The following STIM1 variants were observed in gnomAD, a reference collection of about 807,000 sequenced individuals.
STIM1 encodes stromal interaction molecule 1.
A neutral mutation model predicts 74.7 loss-of-function variants in STIM1; 25 were observed. The observed-to-expected ratio is 0.33, with a 90% CI of 0.24 to 0.47. The LOEUF is 0.47. Among genes scored for constraint, STIM1 ranks in the 20% least tolerant of loss-of-function variants. The probability of loss-of-function intolerance (pLI) is 1.00; values close to 1 mark genes in which losing one functional copy is unlikely to be tolerated. For synonymous variants in STIM1, 328 were observed against 348.8 expected, an observed-to-expected ratio of 0.94 and a Z score of 0.66; for missense variants, 728 against 920.8, an observed-to-expected ratio of 0.79 and a Z score of 2.71.
chr11:3,901,248 C>T (rs955050227), intron 1 of STIM1, among the ~76,000 whole-genome samples: 3 of 152,098 alleles, frequency 2.0e-5, no homozygotes, highest in African/African-American at 7.2e-5. Flanking sequence ...ATTATTATTA[C>T]TCAGTAAAAG....
intron 2 of STIM1, among the ~76,000 whole-genome samples, chr11:4,014,314 A>T (rs2093873574): frequency 6.6e-6 from 1 of 152,188 alleles, no homozygotes; most frequent in South Asian, 2.1e-4. Context: ...TTTATCCAGT[A>T]GTCCTTCAGG....
At chr11:3,945,305 G>T (rs1229614709) in intron 1 of STIM1, among the ~76,000 whole-genome samples, 4 of 152,174 alleles carry the variant, frequency 2.6e-5, no homozygotes, top group African/African-American at 9.7e-5. Context: ...GGCTGGGCAT[G>T]GTGGCTCACG....
At chr11:4,088,805 T>C in intron 12 of STIM1, 1 of 1,477,296 alleles carries the variant, frequency 6.8e-7, no homozygotes, top group African/African-American at 1.4e-5. Context: ...GCCTGATTGT[T>C]CTCAGTGATT....
In STIM1 at chr11:4,070,095, G is replaced by C; in HGVS notation, c.683G>C (p.Trp228Ser). 6.2e-7 allele frequency: 1 copy of C among 1,614,152 alleles called. No homozygotes were observed. Among genetic ancestry groups the C allele is most frequent in the Non-Finnish European group, 8.5e-7 (1 of 1,180,026 alleles). Residue 228 changes from tryptophan to serine, a missense_variant, in exon 6 of 13, where the codon TGG (tryptophan) becomes TCG (serine). This residue lies in a region of STIM1 where 132 missense variants were observed against 158.2 expected (regional missense o/e 0.83). Coordinates refer to ENST00000526596, the MANE Select transcript of STIM1 (RefSeq NM_001382567.1). Reference sequence around the variant, plus strand: ...ATCGTTATTGGTGTGGGCGGCTGCTGGTTTGCCTATATCCAGAACCGTTAC... The same window carrying C: ...ATCGTTATTGGTGTGGGCGGCTGCTCGTTTGCCTATATCCAGAACCGTTAC... Reference protein sequence around the residue: ...VSIVIGVGGCWFAYIQNRYSK... With the variant: ...VSIVIGVGGCSFAYIQNRYSK...
intron 7 of STIM1, among the ~76,000 whole-genome samples, chr11:4,077,224 G>A (rs1489514764): frequency 6.6e-6 from 1 of 151,586 alleles, no homozygotes; most frequent in Non-Finnish European, 1.5e-5. Context: ...AGCAAGGGTA[G>A]CTATATATTA....
chr11:4,061,273 G>A (rs1200121438), intron 5 of STIM1, among the ~76,000 whole-genome samples: 3 of 152,142 alleles, frequency 2.0e-5, no homozygotes, highest in Middle Eastern at 3.2e-3. Flanking sequence ...CAACAAGAGG[G>A]GCCCTGGTGG....
At chr11:3,973,850 A>G in intron 2 of STIM1, 2 of 423,130 alleles carry the variant, frequency 4.7e-6, no homozygotes, top group South Asian at 5.9e-5. Context: ...AATAGCTGGG[A>G]CTATAGGCAC....
intron 2 of STIM1, among the ~76,000 whole-genome samples, chr11:4,017,466 C>A (rs946982883): frequency 6.6e-6 from 1 of 152,186 alleles, no homozygotes; most frequent in Non-Finnish European, 1.5e-5. Context: ...AGTTTCTCTG[C>A]TCTCCACTTA....
intron 1 of STIM1, among the ~76,000 whole-genome samples, chr11:3,874,194 G>A (rs2091234035): frequency 6.6e-6 from 1 of 152,146 alleles, no homozygotes; most frequent in Non-Finnish European, 1.5e-5. Flanking sequence ...GATGTGGCCT[G>A]GGTTTCTGCA....
intron 5 of STIM1, among the ~76,000 whole-genome samples, chr11:4,066,564 T>C (rs1322986954): frequency 6.6e-6 from 1 of 151,752 alleles, no homozygotes; most frequent in Non-Finnish European, 1.5e-5. Context: ...AGTTGAAAAA[T>C]AGGCTGGGCG....
At chr11:4,072,316 C>A (rs1249876475) in intron 6 of STIM1, among the ~76,000 whole-genome samples, 1 of 152,158 alleles carries the variant, frequency 6.6e-6, no homozygotes, top group Non-Finnish European at 1.5e-5. Context: ...AACAGACCTG[C>A]AATGCCAGCT....
intron 9 of STIM1, 65 bp from the exon 10 acceptor site, chr11:4,083,198 A>C (rs1174504232): frequency 6.6e-7 from 1 of 1,517,468 alleles, no homozygotes; most frequent in African/African-American, 1.4e-5. Context: ...CTCTGAGAAG[A>C]GGCTTCATTC....
At chr11:3,953,519 A>G (rs1465002069) in intron 1 of STIM1, among the ~76,000 whole-genome samples, 1 of 152,206 alleles carries the variant, frequency 6.6e-6, no homozygotes, top group Admixed American at 6.5e-5. Context: ...TAGCCTTGCC[A>G]TAGGACGTGG....
At chr11:3,997,525 A>T (rs528161178) in intron 2 of STIM1, among the ~76,000 whole-genome samples, 4 of 152,140 alleles carry the variant, frequency 2.6e-5, no homozygotes, top group Non-Finnish European at 5.9e-5. Flanking sequence ...GAACACTGTG[A>T]TAGAGTTGCA....
intron 1 of STIM1, among the ~76,000 whole-genome samples, chr11:3,901,834 C>T (rs1306247341): frequency 1.3e-5 from 2 of 152,222 alleles, no homozygotes; most frequent in Non-Finnish European, 1.5e-5. Context: ...AGCCACAGCT[C>T]ACTGCACCCT....
chr11:3,957,316 G>C (rs937287092), intron 1 of STIM1, among the ~76,000 whole-genome samples: 1 of 151,348 alleles, frequency 6.6e-6, no homozygotes, highest in Non-Finnish European at 1.5e-5. Context: ...GAGTGCAGTG[G>C]TGTGGTCTTG....
intron 3 of STIM1, among the ~76,000 whole-genome samples, chr11:4,051,558 G>T (rs1014145680): frequency 1.3e-5 from 2 of 151,990 alleles, no homozygotes; most frequent in African/African-American, 2.4e-5. Context: ...GGCCAGGATG[G>T]TCTTGAACTC....
intron 2 of STIM1, among the ~76,000 whole-genome samples, chr11:4,013,423 G>T (rs1186934335): frequency 6.6e-6 from 1 of 152,152 alleles, no homozygotes; most frequent in East Asian, 1.9e-4. Flanking sequence ...TCTGTTCAAA[G>T]ATTCAACTTC....
At position 4,043,929 on chromosome 11, in the gene STIM1, C is replaced by T. The variant is rs142149650; in HGVS notation, c.386-11597C>T. 7.8e-3 allele frequency among the ~76,000 whole-genome samples: 1,181 copies of T among 152,050 alleles called. 17 individuals carry two copies. The highest frequency in any genetic ancestry group is 0.027 in the African/African-American group (1,119 of 41,466). On this transcript the variant is annotated intron_variant, in intron 3 of 12. Transcript: ENST00000526596. ...ACTCGGGAGGCTGAGGCAGGAGAAT[C>T]GCTTGAACCTGGGAGGCGGAGGTTG...
Sources: allele counts gnomAD v4.1 joint callset (sites outside exome capture counted in the v4.1 genomes callset), GRCh38; gene constraint gnomAD v4.1.1; regional missense constraint gnomAD v4.1.1; transcripts MANE v1.5; gene names NCBI Gene and HGNC (gene_info 2026-07-23, HGNC 2026-07-21).